The following WASF3 variants were observed in gnomAD, a reference collection of about 807,000 sequenced individuals.
WASF3 encodes WASP family member 3, also known as actin-binding protein WASF3.
In WASF3, 11 loss-of-function variants were observed where a neutral mutation model predicts 46.6. The ratio of observed to expected loss-of-function variants is 0.24; its 90% confidence interval spans 0.15 to 0.39. The LOEUF (loss-of-function observed/expected upper bound fraction) is 0.39. Among genes scored for constraint, WASF3 ranks in the 10% least tolerant of loss-of-function variants. The pLI is 1.00. For synonymous variants in WASF3, 242 were observed against 259.7 expected (o/e 0.93, Z 0.65); for missense variants, 576 against 669.8 (o/e 0.86, Z 1.55).
chr13:26,630,687 G>T (rs58916164), intron 2 of WASF3, among the ~76,000 whole-genome samples: 1 of 152,098 alleles, frequency 6.6e-6, no homozygotes, highest in Non-Finnish European at 1.5e-5. Context: ...TAATGGGATC[G>T]CTGGGTCAAA....
the WASF3 span, among the ~76,000 whole-genome samples, chr13:26,541,764 T>C: frequency 6.9e-6 from 1 of 145,694 alleles, no homozygotes; most frequent in African/African-American, 2.4e-5. Context: ...ATTACAGGCA[T>C]GAGCCACTGT....
In WASF3 at chr13:26,620,631, A is replaced by C. The variant is rs557859652; in HGVS notation, c.-11+7573A>C. ...CTTGATCTTCACAGGCTCCCACACC[A>C]CTTCTGTATCCCCACCCATGATACG... is the stretch of plus-strand genomic sequence containing the variant. On this transcript the variant is annotated intron_variant, in intron 2 of 9. Coordinates refer to ENST00000335327, the MANE Select transcript of WASF3 (RefSeq NM_006646.6). 5.9e-5 allele frequency: 9 copies of C among 152,178 alleles called. No homozygotes were observed. In the East Asian group the frequency reaches 1.5e-3, roughly 26 times the overall value. The allele number at this position is 152,178 out of a possible 1,614,324, so 9.4% of individuals were successfully genotyped here.
chr13:26,567,825 GTA>G (rs550819221), intron 1 of WASF3, among the ~76,000 whole-genome samples: 8 of 151,632 alleles, frequency 5.3e-5, no homozygotes, highest in South Asian at 4.2e-4. Context: ...ACGTGTGTGT[GTA>G]TATATATATA....
the WASF3 span, among the ~76,000 whole-genome samples, chr13:26,544,679 C>T: frequency 6.6e-6 from 1 of 152,138 alleles, no homozygotes; most frequent in African/African-American, 2.4e-5. Flanking sequence ...GCATTGTTTC[C>T]CTGGTGCTGT....
At position 26,601,072 on chromosome 13, in the gene WASF3, T is replaced by C. The variant is rs1880628566; in HGVS notation, c.-108-11889T>C. Among the ~76,000 whole-genome samples, 10 of 152,254 alleles carry C rather than the reference T, an allele frequency of 6.6e-5. No homozygotes were observed. In the South Asian group the frequency reaches 2.1e-3, roughly 31 times the overall value. On this transcript the variant is annotated intron_variant, in intron 1 of 9. Coordinates refer to ENST00000335327, the MANE Select transcript of WASF3 (RefSeq NM_006646.6). ...TTCAGCACTTTTAGGTGCAATAACA[T>C]TCACTTGCTTTCAGATGTATTTTAA...
intron 4 of WASF3, among the ~76,000 whole-genome samples, chr13:26,665,939 C>T (rs1882756060): frequency 6.6e-6 from 1 of 152,018 alleles, no homozygotes; most frequent in Admixed American, 6.6e-5. Flanking sequence ...TTAACAATTG[C>T]TCTTGTTGCT....
chr13:26,562,646 G>A (rs1879328724), intron 1 of WASF3, among the ~76,000 whole-genome samples: 1 of 151,952 alleles, frequency 6.6e-6, no homozygotes, highest in South Asian at 2.1e-4. Flanking sequence ...ACTAGATAGC[G>A]GTTTCAGAGT....
At chr13:26,639,332 A>G (rs756929710) in intron 2 of WASF3, among the ~76,000 whole-genome samples, 9 of 152,242 alleles carry the variant, frequency 5.9e-5, no homozygotes, top group Non-Finnish European at 1.3e-4. Flanking sequence ...TTAATTAGTC[A>G]AAGCTGAAAT....
chr13:26,565,794 A>G (rs1361715537), intron 1 of WASF3, among the ~76,000 whole-genome samples: 1 of 152,238 alleles, frequency 6.6e-6, no homozygotes, highest in South Asian at 2.1e-4. Context: ...AATGGTTACA[A>G]AGTTTATCAA....
the WASF3 span, among the ~76,000 whole-genome samples, chr13:26,542,076 A>C: frequency 6.6e-6 from 1 of 151,730 alleles, no homozygotes; most frequent in African/African-American, 2.4e-5. Flanking sequence ...TTGCCTTACA[A>C]AAATCCTACC....
At chr13:26,597,484 C>CTTT (rs752075676) in intron 1 of WASF3, among the ~76,000 whole-genome samples, 43 of 149,114 alleles carry the variant, frequency 2.9e-4, no homozygotes, top group African/African-American at 9.6e-4. Flanking sequence ...ACGTTTTAGT[C>CTTT]TTTTTTTTTT....
intron 1 of WASF3, among the ~76,000 whole-genome samples, chr13:26,585,998 A>C (rs956666676): frequency 6.6e-6 from 1 of 152,178 alleles, no homozygotes; most frequent in Non-Finnish European, 1.5e-5. Context: ...CTTCCTTTCC[A>C]GTGATTTGGG....
chr13:26,551,578 T>C, the WASF3 span, among the ~76,000 whole-genome samples: 4 of 152,156 alleles, frequency 2.6e-5, no homozygotes, highest in Admixed American at 2.0e-4. Flanking sequence ...GAATTAACCG[T>C]GGCAATAAAG....
At chr13:26,684,056 T>C (rs1883327548) in intron 9 of WASF3, among the ~76,000 whole-genome samples, 1 of 152,228 alleles carries the variant, frequency 6.6e-6, no homozygotes, top group Non-Finnish European at 1.5e-5. Flanking sequence ...AGGGATGTCC[T>C]TCAGAGGAGC....
intron 1 of WASF3, among the ~76,000 whole-genome samples, chr13:26,610,076 C>T (rs887128971): frequency 6.6e-6 from 1 of 152,188 alleles, no homozygotes; most frequent in African/African-American, 2.4e-5. Context: ...ACATTTCCAT[C>T]ACTGCGGGAC....
chr13:26,552,456 C>A, the WASF3 span, among the ~76,000 whole-genome samples: 1 of 151,918 alleles, frequency 6.6e-6, no homozygotes, highest in East Asian at 1.9e-4. Flanking sequence ...TTCTTTGAGA[C>A]GTAGATATGG....
At chr13:26,543,949 G>A in the WASF3 span, among the ~76,000 whole-genome samples, 26 of 152,056 alleles carry the variant, frequency 1.7e-4, no homozygotes, top group African/African-American at 5.8e-4. Flanking sequence ...ATATAGGCTC[G>A]TTCCTTAAAA....
At position 26,688,347 on chromosome 13, in the gene WASF3, T is replaced by C. The variant is rs1464785586; in HGVS notation, c.*2502T>C. 2 of 152,236 alleles carry C rather than the reference T, an allele frequency of 1.3e-5. No individual in the cohort carries two copies. Among genetic ancestry groups the C allele is most frequent in the African/African-American group, 4.8e-5 (2 of 41,454 alleles). The allele number at this position is 152,236 out of a possible 1,614,324, so 9.4% of individuals were successfully genotyped here. On this transcript the variant is annotated 3_prime_UTR_variant, in exon 10 of 10. Coordinates refer to ENST00000335327, the MANE Select transcript of WASF3 (RefSeq NM_006646.6). ...TCTCCAAACTTTGTGTTTTAAATTA[T>C]AGTTATAAATTGTAAGGTAATTTTA...
At chr13:26,678,704 TTTAA>T in intron 7 of WASF3, among the ~76,000 whole-genome samples, 1 of 152,294 alleles carries the variant, frequency 6.6e-6, no homozygotes, top group South Asian at 2.1e-4. Context: ...TGAGAATAAA[TTTAA>T]GATGAGCGCT....
Sources: gnomAD v4.1 joint callset for allele counts (sites outside exome capture counted in the v4.1 genomes callset) on GRCh38, gnomAD v4.1.1 for gene constraint, MANE v1.5 for transcripts, NCBI Gene and HGNC (gene_info 2026-07-23, HGNC 2026-07-21) for gene names.